The following MBNL2 variants were observed in gnomAD, a reference collection of about 807,000 sequenced individuals.
MBNL2 encodes the protein muscleblind like splicing regulator 2, also known as muscleblind-like protein 2.
Under a neutral mutation model 41.9 loss-of-function variants are expected in MBNL2, and 17 were observed. That is an observed-to-expected ratio of 0.41 (90% confidence interval 0.28 to 0.61). MBNL2 has a LOEUF of 0.61. Among genes scored for constraint, MBNL2 ranks in the 20% least tolerant of loss-of-function variants. The pLI, the probability that MBNL2 is intolerant of heterozygous loss-of-function variation, is 0.35. For synonymous variants in MBNL2, 195 were observed against 182.9 expected (o/e 1.07, Z -0.53); for missense variants, 336 against 505.6 (o/e 0.66, Z 3.22).
At chr13:97,180,751 A>AT in the MBNL2 span, among the ~76,000 whole-genome samples, 68 of 124,472 alleles carry the variant, frequency 5.5e-4, no homozygotes, top group South Asian at 3.0e-3. Context: ...AAAAAAAAAA[A>AT]AAAAAAAAAA....
the MBNL2 span, among the ~76,000 whole-genome samples, chr13:97,181,094 T>TCC: frequency 4.2e-4 from 64 of 151,136 alleles, no homozygotes; most frequent in African/African-American, 1.4e-3. Flanking sequence ...TCTCTCTCTC[T>TCC]CCCCCCCACC....
chr13:97,213,903 C>T, the MBNL2 span, among the ~76,000 whole-genome samples: 1 of 144,886 alleles, frequency 6.9e-6, no homozygotes, highest in African/African-American at 2.8e-5. Flanking sequence ...CAATAACACA[C>T]ATGCTATATG....
rs1026984606 is a variant in MBNL2 at position 97,393,627 on chromosome 13, T to G, written c.*2178T>G. On this transcript the variant is annotated 3_prime_UTR_variant, in exon 9 of 9. Coordinates refer to ENST00000679496, the MANE Select transcript of MBNL2 (RefSeq NM_001382683.1). Reference sequence around the variant, plus strand: ...AGGCAAATGCATAGATGTACAAATATATGTACAACAGATTTTGCTTTTTAT... The same window carrying G: ...AGGCAAATGCATAGATGTACAAATAGATGTACAACAGATTTTGCTTTTTAT... 1 of 152,526 alleles carries G rather than the reference T, an allele frequency of 6.6e-6. No homozygotes were observed. Among genetic ancestry groups the G allele is most frequent in the Non-Finnish European group, 1.5e-5 (1 of 67,968 alleles). 9.4% of individuals were successfully genotyped at this position (152,526 alleles called of 1,614,324 possible). A position where few individuals can be genotyped will look rare whatever the true frequency, so the allele number is the denominator to read the frequency against.
At chr13:97,163,712 CCCTGCACACA>C in the MBNL2 span, among the ~76,000 whole-genome samples, 1 of 152,098 alleles carries the variant, frequency 6.6e-6, no homozygotes. Flanking sequence ...ATTGTAATCT[CCCTGCACACA>C]CCTGCACACA....
At chr13:97,155,348 G>A in the MBNL2 span, among the ~76,000 whole-genome samples, 1 of 149,154 alleles carries the variant, frequency 6.7e-6, no homozygotes, top group South Asian at 2.2e-4. Flanking sequence ...GTAATTCCAA[G>A]GTCATTATAT....
intron 1 of MBNL2, among the ~76,000 whole-genome samples, chr13:97,229,516 T>C (rs556147969): frequency 1.3e-5 from 2 of 152,248 alleles, no homozygotes; most frequent in East Asian, 1.9e-4. Flanking sequence ...ATAATATTTA[T>C]AAAGTAACCA....
chr13:97,203,728 A>G, the MBNL2 span, among the ~76,000 whole-genome samples: 2 of 152,234 alleles, frequency 1.3e-5, no homozygotes, highest in African/African-American at 2.4e-5. Context: ...TAAATACTCT[A>G]TGTAATTCCT....
upstream of MBNL2, among the ~76,000 whole-genome samples, chr13:97,218,440 C>CAAAACAAAACAAAAA (rs55815508): frequency 1.0e-4 from 12 of 117,930 alleles, no homozygotes; most frequent in African/African-American, 2.1e-4. Flanking sequence ...CAAAACAAAA[C>CAAAACAAAACAAAAA]AAAAAAAAAA....
chr13:97,393,588 A>C lies in MBNL2; in HGVS notation c.*2139A>C, dbSNP rs184194825. On this transcript the variant is annotated 3_prime_UTR_variant, in exon 9 of 9. Transcript: ENST00000679496. ...AAGAGTCATAAATATGCCATTTACA[A>C]TAAGGAGGAGGCAAGGCAAATGCAT... 1 of 152,638 alleles carries C rather than the reference A, an allele frequency of 6.6e-6. No individual in the cohort carries two copies. The highest frequency in any genetic ancestry group is 1.9e-4 in the East Asian group (1 of 5,192). The allele number at this position is 152,638 out of a possible 1,614,324, so 9.5% of individuals were successfully genotyped here.
At chr13:97,340,024 C>G (rs1407643338) in intron 3 of MBNL2, among the ~76,000 whole-genome samples, 1 of 152,154 alleles carries the variant, frequency 6.6e-6, no homozygotes, top group Non-Finnish European at 1.5e-5. Flanking sequence ...TTGGGTTATC[C>G]ATTTAGTGGC....
At chr13:97,298,422 A>G (rs2057289068) in intron 2 of MBNL2, among the ~76,000 whole-genome samples, 1 of 152,110 alleles carries the variant, frequency 6.6e-6, no homozygotes, top group Non-Finnish European at 1.5e-5. Flanking sequence ...GCTGTATCCC[A>G]AGCACCTAGA....
At chr13:97,375,209 T>G (rs558749734) in intron 8 of MBNL2, among the ~76,000 whole-genome samples, 1 of 152,304 alleles carries the variant, frequency 6.6e-6, no homozygotes, top group South Asian at 2.1e-4. Flanking sequence ...CTGGCATTCC[T>G]CTGGGGTGAC....
intron 1 of MBNL2, among the ~76,000 whole-genome samples, chr13:97,236,030 G>C (rs1240473868): frequency 2.6e-5 from 4 of 152,188 alleles, no homozygotes; most frequent in Admixed American, 2.6e-4. Flanking sequence ...GGAGGGTGGA[G>C]AAGGGCGATT....
At chr13:97,271,288 A>C (rs981510275) in intron 1 of MBNL2, among the ~76,000 whole-genome samples, 1 of 151,662 alleles carries the variant, frequency 6.6e-6, no homozygotes, top group Non-Finnish European at 1.5e-5. Flanking sequence ...TTGTATTTTT[A>C]GTAGAGACAG....
intron 8 of MBNL2, among the ~76,000 whole-genome samples, chr13:97,379,529 G>C (rs1205920014): frequency 6.6e-6 from 1 of 152,132 alleles, no homozygotes; most frequent in Non-Finnish European, 1.5e-5. Flanking sequence ...CTGCAGGAGC[G>C]ACTGTAAAGG....
intron 2 of MBNL2, among the ~76,000 whole-genome samples, chr13:97,310,948 T>TA (rs894654523): frequency 5.3e-5 from 8 of 152,296 alleles, no homozygotes; most frequent in South Asian, 4.1e-4. Context: ...CATTGTCTGA[T>TA]AAAAATCAAT....
chr13:97,153,369 C>G, the MBNL2 span, among the ~76,000 whole-genome samples: 1 of 151,684 alleles, frequency 6.6e-6, no homozygotes, highest in African/African-American at 2.4e-5. Flanking sequence ...AGTGAAAAAT[C>G]AAAAGTTTAG....
At chr13:97,270,895 G>A (rs1239163742) in intron 1 of MBNL2, among the ~76,000 whole-genome samples, 1 of 152,094 alleles carries the variant, frequency 6.6e-6, no homozygotes, top group East Asian at 1.9e-4. Flanking sequence ...CTGCCTGCCT[G>A]TACCCACTCC....
intron 1 of MBNL2, among the ~76,000 whole-genome samples, chr13:97,238,974 C>T (rs1013583394): frequency 1.2e-4 from 19 of 152,182 alleles, no homozygotes; most frequent in Admixed American, 8.5e-4. Context: ...GGTCTAAAGG[C>T]GTCTCCAAGG....
Sources: allele counts gnomAD v4.1 joint callset (sites outside exome capture counted in the v4.1 genomes callset), GRCh38; gene constraint gnomAD v4.1.1; transcripts MANE v1.5; gene names NCBI Gene and HGNC (gene_info 2026-07-23, HGNC 2026-07-21).